The following ZNF385D variants were observed in gnomAD, a reference collection of about 807,000 sequenced individuals.
The protein encoded by ZNF385D is zinc finger protein 659.
In ZNF385D, 15 loss-of-function variants were observed where a neutral mutation model predicts 35.8. That is an observed-to-expected ratio of 0.42 (90% confidence interval 0.28 to 0.64). The LOEUF is 0.64. ZNF385D is among the 30% of genes least tolerant of loss of function. ZNF385D has a pLI of 0.23. For missense variants in ZNF385D, 474 were observed against 494.6 expected (o/e 0.96, Z 0.39); for synonymous variants, 212 against 186.8 (o/e 1.13, Z -1.10).
chr3:21,690,191 TTG>T (rs201469365), intron 1 of ZNF385D, among the ~76,000 whole-genome samples: 431 of 152,318 alleles, frequency 2.8e-3, no homozygotes, highest in African/African-American at 9.7e-3. Flanking sequence ...TATGTTTGTG[TTG>T]TGTTTGTGTG....
intron 2 of ZNF385D, among the ~76,000 whole-genome samples, chr3:22,312,315 C>A (rs988007721): frequency 6.0e-4 from 91 of 152,176 alleles, no homozygotes; most frequent in Non-Finnish European, 1.1e-3. Flanking sequence ...ATTTTGAAAT[C>A]ACACCATTAG....
chr3:21,932,871 A>G (rs1701082483), intron 3 of ZNF385D, among the ~76,000 whole-genome samples: 1 of 152,188 alleles, frequency 6.6e-6, no homozygotes, highest in Admixed American at 6.5e-5. Context: ...GATATTAACC[A>G]TCACAATAAT....
At chr3:22,304,030 G>A (rs1200315611) in intron 2 of ZNF385D, among the ~76,000 whole-genome samples, 15 of 152,050 alleles carry the variant, frequency 9.9e-5, no homozygotes, top group African/African-American at 2.2e-4. Flanking sequence ...CGCCCACCTC[G>A]GCCTCCCAGT....
intron 3 of ZNF385D, among the ~76,000 whole-genome samples, chr3:22,064,136 G>A (rs1289529009): frequency 6.6e-6 from 1 of 152,222 alleles, no homozygotes; most frequent in Non-Finnish European, 1.5e-5. Context: ...GAAATCAAGA[G>A]AAGTGGAATT....
At chr3:21,800,183 T>C (rs958699062) in intron 3 of ZNF385D, among the ~76,000 whole-genome samples, 3 of 152,216 alleles carry the variant, frequency 2.0e-5, no homozygotes, top group Admixed American at 6.5e-5. Context: ...TATGAAATAT[T>C]CAACTTTATT....
intron 3 of ZNF385D, among the ~76,000 whole-genome samples, chr3:21,879,737 G>A (rs886629482): frequency 6.6e-5 from 10 of 151,988 alleles, no homozygotes; most frequent in Admixed American, 1.3e-4. Flanking sequence ...GCACCAGAGA[G>A]TCCTCATTTG....
intron 2 of ZNF385D, among the ~76,000 whole-genome samples, chr3:22,263,784 T>C (rs933668049): frequency 1.3e-5 from 2 of 152,000 alleles, no homozygotes; most frequent in African/African-American, 4.8e-5. Context: ...CATTTTTTAT[T>C]GTGACAACTG....
chr3:21,937,153 G>C (rs1485860542), intron 3 of ZNF385D, among the ~76,000 whole-genome samples: 8 of 151,938 alleles, frequency 5.3e-5, no homozygotes, highest in Non-Finnish European at 7.4e-5. Context: ...TTCATAAAAA[G>C]TTCAAATACT....
intron 1 of ZNF385D, among the ~76,000 whole-genome samples, chr3:21,729,041 T>C (rs533642953): frequency 2.6e-5 from 4 of 152,316 alleles, no homozygotes; most frequent in Admixed American, 2.6e-4. Flanking sequence ...GTCTTCACTG[T>C]CTATGCTCTT....
At chr3:22,122,945 A>C (rs1703174299) in intron 3 of ZNF385D, among the ~76,000 whole-genome samples, 1 of 152,220 alleles carries the variant, frequency 6.6e-6, no homozygotes, top group African/African-American at 2.4e-5. Context: ...ATTTAAGAAA[A>C]GTATTAGGAG....
At chr3:21,703,019 A>G (rs2125388279) in intron 1 of ZNF385D, among the ~76,000 whole-genome samples, 1 of 152,306 alleles carries the variant, frequency 6.6e-6, no homozygotes, top group South Asian at 2.1e-4. Context: ...ACCCAGTTCC[A>G]AATTCACTTC....
At chr3:21,609,637 G>T (rs991003310) in intron 2 of ZNF385D, among the ~76,000 whole-genome samples, 13 of 152,178 alleles carry the variant, frequency 8.5e-5, no homozygotes, top group Non-Finnish European at 1.3e-4. Flanking sequence ...GCCTTATGGA[G>T]TATCAAGCTT....
intron 2 of ZNF385D, among the ~76,000 whole-genome samples, chr3:22,337,625 C>T (rs1180275019): frequency 6.6e-6 from 1 of 152,170 alleles, no homozygotes; most frequent in Admixed American, 6.5e-5. Flanking sequence ...TTAATAGTCA[C>T]AGAAAAGTAG....
chr3:21,422,052 T>C (rs1700764166), intron 7 of ZNF385D, among the ~76,000 whole-genome samples: 1 of 152,252 alleles, frequency 6.6e-6, no homozygotes, highest in Non-Finnish European at 1.5e-5. Context: ...AGTCCTTCTC[T>C]ACAAAGCCAG....
intron 2 of ZNF385D, among the ~76,000 whole-genome samples, chr3:22,232,041 G>C (rs2728996): frequency 0.41 from 61,525 of 151,900 alleles, 14,558 homozygotes; most frequent in East Asian, 0.73. Context: ...TCCTGTACAG[G>C]CTGCACAACT....
At chr3:21,791,908 T>A (rs2071945793) in intron 3 of ZNF385D, among the ~76,000 whole-genome samples, 3 of 152,088 alleles carry the variant, frequency 2.0e-5, no homozygotes, top group Admixed American at 6.5e-5. Context: ...CTAATTTTTG[T>A]TTATTTAGTA....
At chr3:21,454,038 A>G (rs1413967524) in intron 4 of ZNF385D, among the ~76,000 whole-genome samples, 1 of 152,118 alleles carries the variant, frequency 6.6e-6, no homozygotes, top group Non-Finnish European at 1.5e-5. Flanking sequence ...CAATACTGGT[A>G]CCTGTTACAA....
At chr3:21,899,986 T>A (rs574792094) in intron 3 of ZNF385D, among the ~76,000 whole-genome samples, 44 of 152,180 alleles carry the variant, frequency 2.9e-4, no homozygotes, top group African/African-American at 1.0e-3. Flanking sequence ...CGGTTTAAGT[T>A]AAGTGGTTGG....
intron 3 of ZNF385D, among the ~76,000 whole-genome samples, chr3:22,076,212 C>T (rs1700455000): frequency 6.6e-6 from 1 of 151,788 alleles, no homozygotes; most frequent in Admixed American, 6.6e-5. Flanking sequence ...TTCAAAAGTC[C>T]TCATTAGTTT....
Sources: gnomAD v4.1 joint callset for allele counts (sites outside exome capture counted in the v4.1 genomes callset) on GRCh38, gnomAD v4.1.1 for gene constraint, MANE v1.5 for transcripts, NCBI Gene and HGNC (gene_info 2026-07-23, HGNC 2026-07-21) for gene names.